LRP1B: variants seen among roughly 807,000 people sequenced by gnomAD.
LRP1B encodes the protein LDL receptor related protein 1B.
Under a neutral mutation model 556.6 loss-of-function variants are expected in LRP1B, and 217 were observed. The ratio of observed to expected loss-of-function variants is 0.39; its 90% CI spans 0.35 to 0.44. The LOEUF is 0.44. Among genes scored for constraint, LRP1B ranks in the 20% least tolerant of loss-of-function variants. The pLI is 1.00. For missense variants in LRP1B, 5,053 were observed against 5,620.8 expected, an observed-to-expected ratio of 0.90 and a Z score of 3.23; for synonymous variants, 2,047 against 1,865.8, an observed-to-expected ratio of 1.10 and a Z score of -2.50.
chr2:142,050,130 A>G (rs943683872), intron 1 of LRP1B, among the ~76,000 whole-genome samples: 11 of 152,262 alleles, frequency 7.2e-5, no homozygotes, highest in African/African-American at 2.4e-4. Flanking sequence ...TTACATAATT[A>G]AGTATTCTCT....
intron 7 of LRP1B, 44 bp from the exon 8 acceptor site, chr2:141,062,317 G>C (rs2105469142): frequency 2.2e-6 from 3 of 1,374,654 alleles, no homozygotes; most frequent in Non-Finnish European, 3.0e-6. Flanking sequence ...GTGGGGGAGG[G>C]AAGCACGTTT....
At chr2:140,777,480 C>A (rs1236183703) in intron 32 of LRP1B, among the ~76,000 whole-genome samples, 1 of 152,154 alleles carries the variant, frequency 6.6e-6, no homozygotes, top group Admixed American at 6.6e-5. Flanking sequence ...TGTCGAATGC[C>A]TTGCAGAACT....
intron 37 of LRP1B, among the ~76,000 whole-genome samples, chr2:140,711,118 C>T (rs569362945): frequency 6.6e-6 from 1 of 151,938 alleles, no homozygotes; most frequent in Non-Finnish European, 1.5e-5. Flanking sequence ...AGAAGGAAAC[C>T]TTTTTCTGAG....
At chr2:141,295,367 T>C (rs1314949342) in intron 3 of LRP1B, among the ~76,000 whole-genome samples, 1 of 152,216 alleles carries the variant, frequency 6.6e-6, no homozygotes, top group Non-Finnish European at 1.5e-5. Flanking sequence ...TTATACCCTG[T>C]CCATTTCATC....
intron 37 of LRP1B, among the ~76,000 whole-genome samples, chr2:140,704,798 A>T (rs1686770452): frequency 6.6e-6 from 1 of 152,162 alleles, no homozygotes; most frequent in Non-Finnish European, 1.5e-5. Context: ...AAGTTCACAT[A>T]AGAAAAGAAA....
At chr2:140,773,202 C>T (rs1327321536) in intron 33 of LRP1B, among the ~76,000 whole-genome samples, 8 of 152,132 alleles carry the variant, frequency 5.3e-5, no homozygotes, top group Non-Finnish European at 8.8e-5. Context: ...CGGTGGCTCA[C>T]GCCTGTAATC....
chr2:140,404,314 T>G (rs1684639664), intron 66 of LRP1B, among the ~76,000 whole-genome samples: 1 of 151,414 alleles, frequency 6.6e-6, no homozygotes, highest in South Asian at 2.1e-4. Flanking sequence ...AGCTGAGACT[T>G]CAGGTGCCCG....
intron 11 of LRP1B, among the ~76,000 whole-genome samples, chr2:141,035,228 A>T (rs1252288081): frequency 6.6e-6 from 1 of 151,950 alleles, no homozygotes; most frequent in Non-Finnish European, 1.5e-5. Context: ...GGGGGGAGGG[A>T]TAGCATTAGG....
intron 1 of LRP1B, among the ~76,000 whole-genome samples, chr2:141,972,395 T>C (rs1701767758): frequency 6.6e-6 from 1 of 151,642 alleles, no homozygotes; most frequent in South Asian, 2.1e-4. Context: ...TAGTTCTTTA[T>C]ACTACATACT....
At chr2:141,385,039 T>C (rs1689778042) in intron 3 of LRP1B, among the ~76,000 whole-genome samples, 1 of 152,156 alleles carries the variant, frequency 6.6e-6, no homozygotes, top group Admixed American at 6.5e-5. Context: ...TTGTCTCTGC[T>C]GGACTCGGGG....
intron 46 of LRP1B, among the ~76,000 whole-genome samples, chr2:140,535,752 A>G (rs1278466876): frequency 6.6e-6 from 1 of 152,158 alleles, no homozygotes; most frequent in Non-Finnish European, 1.5e-5. Context: ...CCAGGAAAAA[A>G]TATTGTTGCA....
intron 60 of LRP1B, among the ~76,000 whole-genome samples, chr2:140,466,785 A>G (rs1687566430): frequency 6.6e-6 from 1 of 152,184 alleles, no homozygotes; most frequent in East Asian, 1.9e-4. Context: ...TTAAAAACTC[A>G]AGGTCAAACG....
chr2:140,274,607 AAAAG>A lies in LRP1B; in HGVS notation c.12968-13_12968-10del. The A allele has an allele frequency of 6.2e-7, 1 of 1,605,182 alleles. No individual in the cohort carries two copies. The highest frequency in any genetic ancestry group is 2.2e-5 in the East Asian group (1 of 44,666). On this transcript the variant is annotated splice_polypyrimidine_tract_variant and intron_variant, in intron 84 of 90. Coordinates refer to ENST00000389484, the MANE Select transcript of LRP1B (RefSeq NM_018557.3). Reference sequence around the variant, plus strand: ...ATAGTGGTGGCACACGTCTAGGAAAAAAAGGCACAACAGAAAAATAAAATTATAT... The same window carrying A: ...ATAGTGGTGGCACACGTCTAGGAAAAGCACAACAGAAAAATAAAATTATAT...
At chr2:142,077,893 C>T (rs1180773390) in intron 1 of LRP1B, among the ~76,000 whole-genome samples, 1 of 151,946 alleles carries the variant, frequency 6.6e-6, no homozygotes, top group Non-Finnish European at 1.5e-5. Flanking sequence ...GCCCAAAGCC[C>T]CTTTACAGAA....
intron 1 of LRP1B, among the ~76,000 whole-genome samples, chr2:142,106,879 CAT>C (rs1364622178): frequency 1.3e-5 from 2 of 152,090 alleles, no homozygotes; most frequent in Admixed American, 6.6e-5. Context: ...TATGTGATCA[CAT>C]GTTAGCTCTC....
At chr2:141,039,567 T>A (rs563230297) in intron 11 of LRP1B, among the ~76,000 whole-genome samples, 5 of 152,188 alleles carry the variant, frequency 3.3e-5, no homozygotes, top group African/African-American at 1.2e-4. Flanking sequence ...TTCCCAGCAA[T>A]CTAACATCTA....
At chr2:141,213,990 T>G (rs533752708) in intron 6 of LRP1B, among the ~76,000 whole-genome samples, 14 of 152,194 alleles carry the variant, frequency 9.2e-5, no homozygotes, top group Non-Finnish European at 1.8e-4. Flanking sequence ...ACTATAAAAA[T>G]AGTTGCTATA....
At chr2:140,727,316 A>G (rs1183056277) in intron 35 of LRP1B, among the ~76,000 whole-genome samples, 2 of 152,144 alleles carry the variant, frequency 1.3e-5, no homozygotes, top group African/African-American at 2.4e-5. Flanking sequence ...GTTGCTTGTG[A>G]CAGGAGGGAC....
At chr2:140,742,240 G>C (rs1364382208) in intron 35 of LRP1B, among the ~76,000 whole-genome samples, 1 of 152,220 alleles carries the variant, frequency 6.6e-6, no homozygotes, top group African/African-American at 2.4e-5. Context: ...CAGGGTGGGT[G>C]AGAAAACTGA....
Sources: gnomAD v4.1 joint callset for allele counts (sites outside exome capture counted in the v4.1 genomes callset) on GRCh38, gnomAD v4.1.1 for gene constraint, MANE v1.5 for transcripts, NCBI Gene and HGNC (gene_info 2026-07-23, HGNC 2026-07-21) for gene names.